The following FIZ1 variants were observed in gnomAD, a reference collection of about 807,000 sequenced individuals.
FIZ1 encodes FLT3 interacting zinc finger 1, also known as flt3-interacting zinc finger protein 1.
FIZ1 carries 2 observed loss-of-function variants against 5.3 expected under a neutral mutation model. The observed-to-expected ratio is 0.37, with a 90% confidence interval of 0.15 to 1.18. The LOEUF (loss-of-function observed/expected upper bound fraction) is 1.18. FIZ1 is among the 50% of genes most tolerant of loss of function. FIZ1 has a pLI of 0.37. For missense variants in FIZ1, 631 were observed against 749.7 expected (o/e 0.84, Z 1.85); for synonymous variants, 407 against 364.2 (o/e 1.12, Z -1.34).
At position 55,593,962 on chromosome 19, in the gene FIZ1, A is replaced by G. The variant is rs1015547409; in HGVS notation, c.295-316T>C. Among the ~76,000 whole-genome samples the G allele has an allele frequency of 6.6e-6, 1 of 152,084 alleles. No individual in the cohort carries two copies. The highest frequency in any genetic ancestry group is 1.5e-5 in the Non-Finnish European group (1 of 68,018). On this transcript the variant is annotated intron_variant, in intron 2 of 2. Transcript: ENST00000221665. This position sits in a 1 kb window ranked among gnomAD's most constrained non-coding sequence, Gnocchi z 6.3. ...GTCTCTACAAATAATTTTAAAAACT[A>G]GCTGGACACGGCACACTCCTGTGGT... is the stretch of plus-strand genomic sequence containing the variant.
In FIZ1 at chr19:55,593,002, A is replaced by C. The variant is rs1403190485; in HGVS notation, c.939T>G (p.Gly313=). ...PKLGGLLPEG[G]GEAPAPAAAA... is the part of the protein sequence containing the mutation. Reference sequence around the variant, plus strand: ...CCGCCGCAGGTGCAGGCGCCTCCCCACCGCCCTCGGGGAGCAGCCCCCCGA... The same window carrying C: ...CCGCCGCAGGTGCAGGCGCCTCCCCCCCGCCCTCGGGGAGCAGCCCCCCGA... The change falls in exon 3 of 3, where the codon GGT becomes GGG. Residue 313 remains glycine, a synonymous_variant. Transcript: ENST00000221665. The surrounding 1 kb of genome is among the most constrained non-coding windows in gnomAD (Gnocchi z 6.3). 7 of 1,495,806 alleles carry C rather than the reference A, an allele frequency of 4.7e-6. No individual in the cohort carries two copies. In the Admixed American group the frequency reaches 1.1e-4, roughly 23 times the overall value. The allele number at this position is 1,495,806 out of a possible 1,614,324, so 92.7% of individuals were successfully genotyped here.
chr19:55,595,146 C>T (rs1980263563), intron 2 of FIZ1, among the ~76,000 whole-genome samples: 1 of 152,138 alleles, frequency 6.6e-6, no homozygotes, highest in African/African-American at 2.4e-5. Flanking sequence ...GTAATGTCTT[C>T]CTGGAGGCCT....
intron 2 of FIZ1, 138 bp downstream of exon 2, chr19:55,597,434 G>C (rs956656291): frequency 4.9e-6 from 7 of 1,424,834 alleles, no homozygotes; most frequent in African/African-American, 1.4e-5. Flanking sequence ...GGTAGGGAGG[G>C]AGGGACATTT....
In FIZ1 at chr19:55,593,427, C is replaced by A; in HGVS notation, c.514G>T (p.Glu172Ter). The change falls in exon 3 of 3, where the codon GAG becomes TAG. Residue 172 changes from glutamate (E) to a stop codon, truncating the protein, a stop_gained. Transcript: ENST00000221665. LOFTEE classifies it low-confidence loss of function (END_TRUNC). The surrounding 1 kb of genome is among the most constrained non-coding windows in gnomAD (Gnocchi z 6.3). ...CCCGCGCCTGCCCCCTCGGGGCCCTCTCCGCCGCCGGCCCCTGAGCCCCCG... is the reference window on the plus strand; with the variant it reads ...CCCGCGCCTGCCCCCTCGGGGCCCTATCCGCCGCCGGCCCCTGAGCCCCCG... ...VCGGSGAGGG[E>*]GPEGAGAGLG... The A allele has an allele frequency of 6.6e-7, 1 of 1,519,886 alleles. No individual in the cohort carries two copies. The allele number at this position is 1,519,886 out of a possible 1,614,324, so 94.1% of individuals were successfully genotyped here.
In FIZ1 at chr19:55,597,662, G is replaced by A; in HGVS notation, c.204C>T (p.Asn68=). 6.2e-7 allele frequency: 1 copy of A among 1,613,966 alleles called. No individual in the cohort carries two copies. The highest frequency in any genetic ancestry group is 8.5e-7 in the Non-Finnish European group (1 of 1,179,908). Residue 68 remains asparagine, a synonymous_variant, in exon 2 of 3, where the codon AAC becomes AAT. Coordinates refer to ENST00000221665, the MANE Select transcript of FIZ1 (RefSeq NM_032836.3). The part of the protein sequence containing the change: ...KGFKHSFNLA[N]HLRSHTGERP... ...GCTCCCCGGTGTGCGAGCGCAGGTG[G>A]TTGGCTAGGTTGAAGCTGTGCTTGA...
In FIZ1 at chr19:55,592,498, C is replaced by A. The variant is rs377755621; in HGVS notation, c.1443G>T (p.Thr481=). The part of the protein sequence containing the change: ...PCHICGKGFI[T]LSNLSRHLKL... ...TCAGGTGCCTGGAGAGGTTGCTGAG[C>A]GTGATGAAGCCCTTGCCGCAGATGT... Residue 481 remains threonine (T), a synonymous_variant, in exon 3 of 3, where the codon ACG becomes ACT. Coordinates refer to ENST00000221665, the MANE Select transcript of FIZ1 (RefSeq NM_032836.3). This position sits in a 1 kb window ranked among gnomAD's most constrained non-coding sequence, Gnocchi z 6.9. 6.3e-7 allele frequency: 1 copy of A among 1,596,368 alleles called. No individual in the cohort carries two copies. Among genetic ancestry groups the A allele is most frequent in the African/African-American group, 1.3e-5 (1 of 74,838 alleles).
chr19:55,596,522 C>G (rs576415637), intron 2 of FIZ1, among the ~76,000 whole-genome samples: 1 of 152,292 alleles, frequency 6.6e-6, no homozygotes, highest in African/African-American at 2.4e-5. Flanking sequence ...GGCCTTTGCA[C>G]TTGCTGTTCC....
In FIZ1 at chr19:55,593,161, C is replaced by T. The variant is rs1179218810; in HGVS notation, c.780G>A (p.Ala260=). 8.6e-7 allele frequency: 1 copy of T among 1,163,682 alleles called. No individual in the cohort carries two copies. The highest frequency in any genetic ancestry group is 1.1e-6 in the Non-Finnish European group (1 of 940,126). The allele number at this position is 1,163,682 out of a possible 1,614,324, so 72.1% of individuals were successfully genotyped here. ...HDLQGPGAPP[A]QAWAAGPGAG... ...CGCCTGGCCCCGCGGCCCAGGCCTG[C>T]GCTGGGGGCGCGCCCGGGCCCTGCA... Residue 260 remains alanine, a synonymous_variant, in exon 3 of 3, where the codon GCG becomes GCA. Transcript: ENST00000221665. The surrounding 1 kb of genome is among the most constrained non-coding windows in gnomAD (Gnocchi z 6.3).
chr19:55,593,507 G>A lies in FIZ1; in HGVS notation c.434C>T (p.Pro145Leu), dbSNP rs1398911022. 1.9e-6 allele frequency: 3 copies of A among 1,549,686 alleles called. No homozygotes were observed. The highest frequency in any genetic ancestry group is 1.4e-5 in the African/African-American group (1 of 73,024). Reference protein sequence around the residue: ...PSPLQPGPGLPALSAPCSVCC... With the variant: ...PSPLQPGPGLLALSAPCSVCC... The stretch of plus-strand genomic sequence containing the variant: ...GACGGAGCAGGGCGCACTCAAGGCG[G>A]GCAGGCCAGGGCCGGGCTGCAGGGG... Residue 145 changes from proline to leucine, a missense_variant, in exon 3 of 3, where the codon CCC (proline) becomes CTC (leucine). Pro to Leu is a moderately conservative substitution (Grantham distance 98). Transcript: ENST00000221665. The surrounding 1 kb of genome is among the most constrained non-coding windows in gnomAD (Gnocchi z 6.3).
rs540302412 is a variant in FIZ1, at chr19:55,596,962, C to T, written c.294+610G>A. ...CTGGGATTACAGGTGTGAGCCACTG[C>T]GCCTGGCCAGTATTTTTTTGTTTCT... On this transcript the variant is annotated intron_variant, in intron 2 of 2. Transcript: ENST00000221665. 8.5e-5 allele frequency among the ~76,000 whole-genome samples: 13 copies of T among 152,302 alleles called. No individual in the cohort carries two copies. In the East Asian group the frequency reaches 1.9e-3, roughly 23 times the overall value.
rs1599986150 is a variant in FIZ1 at position 55,593,585 on chromosome 19, C to T, written c.356G>A (p.Arg119His). ...CLVCELRFSS[R>H]SSLGRHLKRQ... Reference sequence around the variant, plus strand: ...CTTGAGGTGGCGGCCCAGGCTGGAGCGTGAGGAGAAGCGGAGCTCGCAGAC... The same window carrying T: ...CTTGAGGTGGCGGCCCAGGCTGGAGTGTGAGGAGAAGCGGAGCTCGCAGAC... The change falls in exon 3 of 3, where the codon CGC becomes CAC. Residue 119 changes from arginine (R) to histidine (H), a missense_variant. Physicochemically the swap from Arg to His is conservative, Grantham distance 29. Around this residue, in one of 4 missense-constraint regions of FIZ1, gnomAD observed 68 missense variants for 163.4 expected, o/e 0.42. Transcript: ENST00000221665. This position sits in a 1 kb window ranked among gnomAD's most constrained non-coding sequence, Gnocchi z 6.3. 1 of 1,551,360 alleles carries T rather than the reference C, an allele frequency of 6.4e-7. No homozygotes were observed.
At chr19:55,599,450 C>T (rs945961677) in intron 1 of FIZ1, 24 bp downstream of exon 1, 1 of 152,262 alleles carries the variant, frequency 6.6e-6, no homozygotes, top group Non-Finnish European at 1.5e-5. Context: ...GGAAGTCCGT[C>T]GGCTTTCCTC....
rs1423972075 is a variant in FIZ1 at position 55,592,976 on chromosome 19, G to T, written c.965C>A (p.Ala322Asp). ...GGGEAPAPAA[A>D]AEPSEDTLYQ... ...CAGGGTGTCTTCCGAGGGCTCGGCGGCCGCCGCAGGTGCAGGCGCCTCCCC... is the reference window on the plus strand; with the variant it reads ...CAGGGTGTCTTCCGAGGGCTCGGCGTCCGCCGCAGGTGCAGGCGCCTCCCC... The change falls in exon 3 of 3, where the codon GCC becomes GAC. Residue 322 changes from alanine to aspartate, a missense_variant. Ala to Asp is a moderately radical substitution (Grantham distance 126, BLOSUM62 -2). Coordinates refer to ENST00000221665, the MANE Select transcript of FIZ1 (RefSeq NM_032836.3). This position sits in a 1 kb window ranked among gnomAD's most constrained non-coding sequence, Gnocchi z 6.9. The T allele has an allele frequency of 6.5e-7, 1 of 1,539,008 alleles. No homozygotes were observed. The highest frequency in any genetic ancestry group is 1.4e-5 in the African/African-American group (1 of 70,180).
At chr19:55,596,348 G>C (rs1388399294) in intron 2 of FIZ1, among the ~76,000 whole-genome samples, 1 of 152,158 alleles carries the variant, frequency 6.6e-6, no homozygotes, top group Non-Finnish European at 1.5e-5. Flanking sequence ...AAGTGTGAAA[G>C]ACCATCGGTA....
At position 55,593,739 on chromosome 19, in the gene FIZ1, C is replaced by T; in HGVS notation, c.295-93G>A. ...CTCCCAGAGGGTTGTGGCACAAGCT[C>T]TCTGTCACACCTACAGGGCCATGAT... On this transcript the variant is annotated intron_variant, in intron 2 of 2. Transcript: ENST00000221665. This position sits in a 1 kb window ranked among gnomAD's most constrained non-coding sequence, Gnocchi z 6.3. 1 of 1,127,188 alleles carries T rather than the reference C, an allele frequency of 8.9e-7. No homozygotes were observed. 69.8% of individuals were successfully genotyped at this position (1,127,188 alleles called of 1,614,324 possible). A position where few individuals can be genotyped will look rare whatever the true frequency, so the allele number is the denominator to read the frequency against.
At chr19:55,595,396 T>G (rs764299082) in intron 2 of FIZ1, among the ~76,000 whole-genome samples, 4 of 152,194 alleles carry the variant, frequency 2.6e-5, no homozygotes, top group Non-Finnish European at 5.9e-5. Context: ...CCCTTGTACA[T>G]GCTGTTCTCA....
rs1980399613 is a variant in FIZ1, at chr19:55,597,820, C to T, written c.46G>A (p.Ala16Thr). Residue 16 changes from alanine to threonine, a missense_variant, in exon 2 of 3, where the codon GCT (alanine) becomes ACT (threonine). Coordinates refer to ENST00000221665, the MANE Select transcript of FIZ1 (RefSeq NM_032836.3). ...TGAAACGGGACCCTGGGGGCGGCAG[C>T]GGCGGGCGGTGCTGGTGCAGGGGTT... ...APTPAPAPPA[A>T]AAPRVPFHCS... is the part of the protein sequence containing the mutation. 1 of 1,607,332 alleles carries T rather than the reference C, an allele frequency of 6.2e-7. No individual in the cohort carries two copies. Among genetic ancestry groups the T allele is most frequent in the Non-Finnish European group, 8.5e-7 (1 of 1,176,836 alleles).
rs1599982247 is a variant in FIZ1 at position 55,592,148 on chromosome 19, C to T, written c.*302G>A. 6.4e-5 allele frequency: 27 copies of T among 421,218 alleles called. No individual in the cohort carries two copies. The East Asian group carries it at 1.0e-3, about 16-fold the overall frequency. The allele number at this position is 421,218 out of a possible 1,614,324, so 26.1% of individuals were successfully genotyped here. A position where few individuals can be genotyped will look rare whatever the true frequency, so the allele number is the denominator to read the frequency against. The stretch of plus-strand genomic sequence containing the variant: ...GAGACCCATTGCTCACTGCAAAGTC[C>T]CCATGTCTTGGGGACTTACGGCTAC... On this transcript the variant is annotated 3_prime_UTR_variant, in exon 3 of 3. Coordinates refer to ENST00000221665, the MANE Select transcript of FIZ1 (RefSeq NM_032836.3). This position sits in a 1 kb window ranked among gnomAD's most constrained non-coding sequence, Gnocchi z 6.9.
intron 1 of FIZ1, 149 bp from the exon 2 acceptor site, chr19:55,598,050 T>G: frequency 3.2e-6 from 3 of 947,536 alleles, no homozygotes; most frequent in East Asian, 5.3e-5. Flanking sequence ...TTTAAAATCC[T>G]CCTACTCTCT....
Sources: gnomAD v4.1 joint callset for allele counts (sites outside exome capture counted in the v4.1 genomes callset) on GRCh38, gnomAD v4.1.1 for gene constraint, gnomAD v4.1.1 regional missense constraint, Gnocchi (gnomAD v3.1) non-coding constraint, MANE v1.5 for transcripts, NCBI Gene and HGNC (gene_info 2026-07-23, HGNC 2026-07-21) for gene names.